The following CRYBG1 variants were observed in gnomAD, a reference collection of about 807,000 sequenced individuals.
The protein encoded by CRYBG1 is crystallin beta-gamma domain containing 1, also known as beta/gamma crystallin domain-containing protein 1.
In CRYBG1, 139 loss-of-function variants were observed where a neutral mutation model predicts 189.2. The ratio of observed to expected loss-of-function variants is 0.73; its 90% CI spans 0.64 to 0.85. The LOEUF (loss-of-function observed/expected upper bound fraction) is 0.85, where lower values mean the gene tolerates loss of function less well. Ranked by LOEUF, CRYBG1 falls within the 40% of genes least tolerant of loss-of-function variation. CRYBG1 has a pLI of 0.00. For missense variants in CRYBG1, 2,611 were observed against 2,675.8 expected (o/e 0.98, Z 0.53); for synonymous variants, 1,023 against 1,017.1 (o/e 1.01, Z -0.11).
chr6:106,517,304 A>T (rs893281890), intron 3 of CRYBG1, among the ~76,000 whole-genome samples: 4 of 128,722 alleles, frequency 3.1e-5, no homozygotes, highest in African/African-American at 6.9e-5. Context: ...ATATATATAT[A>T]CACACACACA....
Position 106,377,643 on chromosome 6 carries a change from ATATATT to A in CRYBG1, c.173+16564_173+16569del, listed in dbSNP as rs1673811217. 3.2e-5 allele frequency among the ~76,000 whole-genome samples: 4 copies of A among 123,224 alleles called. No individual in the cohort carries two copies. The South Asian group carries it at 1.1e-3, about 34-fold the overall frequency. The allele number at this position is 123,224 out of a possible 152,430, so 80.8% of individuals were successfully genotyped here. ...GTTTTATATATATATATATATATAT[ATATATT>A]TTCATTTGCAGTCTGTCAAAGATTT... is the stretch of plus-strand genomic sequence containing the variant. On this transcript the variant is annotated intron_variant, in intron 1 of 21. Coordinates refer to ENST00000633556, the MANE Select transcript of CRYBG1 (RefSeq NM_001371242.2).
At chr6:106,509,890 C>A (rs1000539652) in intron 2 of CRYBG1, among the ~76,000 whole-genome samples, 1 of 152,080 alleles carries the variant, frequency 6.6e-6, no homozygotes, top group Non-Finnish European at 1.5e-5. Flanking sequence ...AACAGCATGA[C>A]CTTACTGGGC....
chr6:106,542,126 A>G (rs1774143764), intron 10 of CRYBG1, among the ~76,000 whole-genome samples: 1 of 146,970 alleles, frequency 6.8e-6, no homozygotes, highest in Admixed American at 6.8e-5. Flanking sequence ...ATATACATAT[A>G]TATGTGTGTG....
intron 1 of CRYBG1, among the ~76,000 whole-genome samples, chr6:106,379,925 A>G (rs989336277): frequency 6.6e-6 from 1 of 152,184 alleles, no homozygotes; most frequent in Non-Finnish European, 1.5e-5. Context: ...TGAACATTAC[A>G]ATTTTAATAT....
At chr6:106,436,288 G>A (rs1420932508) in intron 1 of CRYBG1, among the ~76,000 whole-genome samples, 3 of 127,384 alleles carry the variant, frequency 2.4e-5, no homozygotes, top group South Asian at 2.9e-4. Flanking sequence ...TCGTTGACAT[G>A]CAATCTCTTT....
At chr6:106,463,970 AAGAAAATCCCC>A (rs1354784816) in intron 2 of CRYBG1, among the ~76,000 whole-genome samples, 2 of 152,228 alleles carry the variant, frequency 1.3e-5, no homozygotes, top group African/African-American at 4.8e-5. Context: ...AGTCACATGA[AAGAAAATCCCC>A]AGAAAAACAT....
At chr6:106,494,954 T>C (rs182685139) in intron 2 of CRYBG1, among the ~76,000 whole-genome samples, 1 of 152,304 alleles carries the variant, frequency 6.6e-6, no homozygotes, top group Non-Finnish European at 1.5e-5. Context: ...AAAGGTACCA[T>C]ATATCCTTCT....
chr6:106,361,974 T>TTCTTTCTTTCTTTC (rs1562285541), intron 1 of CRYBG1, among the ~76,000 whole-genome samples: 14 of 128,110 alleles, frequency 1.1e-4, no homozygotes, highest in African/African-American at 4.3e-4. Flanking sequence ...TCTTTCTTTT[T>TTCTTTCTTTCTTTC]TTTTTTTTTT....
chr6:106,363,089 C>T (rs1374480387), intron 1 of CRYBG1, among the ~76,000 whole-genome samples: 1 of 150,790 alleles, frequency 6.6e-6, no homozygotes, highest in African/African-American at 2.4e-5. Context: ...ACTAAAAATA[C>T]AAAAATTAGC....
At position 106,527,292 on chromosome 6, in the gene CRYBG1, G is replaced by A; in HGVS notation, c.4413-13G>A. ...GAAGACTGACTAATGGTTTTGCTGT[G>A]TTTTATTGTTAGTTGGATTTTGTAT... On this transcript the variant is annotated splice_polypyrimidine_tract_variant and intron_variant, in intron 6 of 21. Coordinates refer to ENST00000633556, the MANE Select transcript of CRYBG1 (RefSeq NM_001371242.2). 6.2e-7 allele frequency: 1 copy of A among 1,608,004 alleles called. No individual in the cohort carries two copies. The highest frequency in any genetic ancestry group is 8.5e-7 in the Non-Finnish European group (1 of 1,176,914).
intron 18 of CRYBG1, among the ~76,000 whole-genome samples, chr6:106,559,985 C>T (rs1774663387): frequency 6.6e-6 from 1 of 151,938 alleles, no homozygotes; most frequent in Non-Finnish European, 1.5e-5. Context: ...GTCCCAGCTA[C>T]TCAGGAGGCT....
intron 2 of CRYBG1, among the ~76,000 whole-genome samples, chr6:106,505,785 T>C (rs1321225254): frequency 1.3e-5 from 2 of 151,634 alleles, no homozygotes; most frequent in Admixed American, 1.3e-4. Context: ...CAAACACACA[T>C]ATGCATATGT....
chr6:106,535,345 C>T (rs1007868032), intron 8 of CRYBG1, among the ~76,000 whole-genome samples: 1 of 152,132 alleles, frequency 6.6e-6, no homozygotes, highest in African/African-American at 2.4e-5. Context: ...TTCAAACATA[C>T]AGAAAAGTAG....
At chr6:106,536,134 G>A (rs1773999727) in intron 8 of CRYBG1, among the ~76,000 whole-genome samples, 1 of 152,230 alleles carries the variant, frequency 6.6e-6, no homozygotes, top group Non-Finnish European at 1.5e-5. Context: ...AGATTTGTCT[G>A]AGTGTTCCCT....
At chr6:106,566,514 C>T (rs1331881777) in intron 21 of CRYBG1, among the ~76,000 whole-genome samples, 1 of 128,152 alleles carries the variant, frequency 7.8e-6, no homozygotes, top group Non-Finnish European at 1.5e-5. Flanking sequence ...CTCTGTCGTC[C>T]AGGCTGGAGT....
intron 1 of CRYBG1, chr6:106,420,822 A>G (rs975080): frequency 0.49 from 75,294 of 152,190 alleles, 19,228 homozygotes; most frequent in South Asian, 0.72. Flanking sequence ...AAATAATTAG[A>G]AAAAAAAGGT....
At chr6:106,506,606 C>A (rs1051775078) in intron 2 of CRYBG1, among the ~76,000 whole-genome samples, 1 of 151,908 alleles carries the variant, frequency 6.6e-6, no homozygotes, top group Non-Finnish European at 1.5e-5. Flanking sequence ...GCAACCACCA[C>A]CATGCCCAGC....
In CRYBG1 at chr6:106,490,144, A is replaced by G. The variant is rs530599101; in HGVS notation, c.313-21286A>G. Reference sequence around the variant, plus strand: ...ATGTCTACCTACTGTTTAGTGAAATATATCTACAAAGCTGGAGTGATGTAA... The same window carrying G: ...ATGTCTACCTACTGTTTAGTGAAATGTATCTACAAAGCTGGAGTGATGTAA... On this transcript the variant is annotated intron_variant, in intron 2 of 21. Transcript: ENST00000633556. Among the ~76,000 whole-genome samples the G allele has an allele frequency of 1.6e-4, 25 of 152,374 alleles. 1 individual carries two copies. In the South Asian group the frequency reaches 5.0e-3, roughly 30 times the overall value.
intron 1 of CRYBG1, among the ~76,000 whole-genome samples, chr6:106,387,364 C>G (rs537674458): frequency 5.9e-5 from 9 of 152,148 alleles, no homozygotes; most frequent in Admixed American, 1.3e-4. Context: ...AATCTTGTAA[C>G]CTGCTTTCAC....
Sources: allele counts gnomAD v4.1 joint callset (sites outside exome capture counted in the v4.1 genomes callset), GRCh38; gene constraint gnomAD v4.1.1; transcripts MANE v1.5; gene names NCBI Gene and HGNC (gene_info 2026-07-23, HGNC 2026-07-21).